The following PTPRR variants were observed in gnomAD, a reference collection of about 807,000 sequenced individuals.
PTPRR encodes receptor-type tyrosine-protein phosphatase R.
Under a neutral mutation model 77.2 loss-of-function variants are expected in PTPRR, and 38 were observed. That is an observed-to-expected ratio of 0.49 (90% CI 0.38 to 0.65). The LOEUF (loss-of-function observed/expected upper bound fraction) is 0.65, where lower values mean the gene tolerates loss of function less well. PTPRR is among the 30% of genes least tolerant of loss of function. The pLI, the probability that PTPRR is intolerant of heterozygous loss-of-function variation, is 0.00. For synonymous variants in PTPRR, 299 were observed against 283.1 expected, an observed-to-expected ratio of 1.06 and a Z score of -0.57; for missense variants, 744 against 799.2, an observed-to-expected ratio of 0.93 and a Z score of 0.83.
intron 2 of PTPRR, among the ~76,000 whole-genome samples, chr12:70,774,630 G>GGATT (rs147164997): frequency 0.37 from 56,305 of 151,562 alleles, 12,881 homozygotes; most frequent in African/African-American, 0.65. Flanking sequence ...GAGAAAAGCT[G>GGATT]GATTTTGTAG....
chr12:70,672,468 C>A, intron 10 of PTPRR: 1 of 1,120,534 alleles, frequency 8.9e-7, no homozygotes, highest in South Asian at 1.2e-5. Flanking sequence ...ATGTGGCTGG[C>A]TTCACTGCGG....
At chr12:70,889,910 A>G (rs1004349738) in intron 2 of PTPRR, among the ~76,000 whole-genome samples, 2 of 152,066 alleles carry the variant, frequency 1.3e-5, no homozygotes, top group Admixed American at 1.3e-4. Context: ...CACCCCTTAT[A>G]TTCCCAAGCC....
At chr12:70,639,934 G>A (rs1347877818) in intron 13 of PTPRR, among the ~76,000 whole-genome samples, 4 of 152,130 alleles carry the variant, frequency 2.6e-5, no homozygotes, top group African/African-American at 7.2e-5. Context: ...GCCTTTTGGT[G>A]TACGGGGTGT....
At chr12:70,803,517 G>GT (rs1216285441) in intron 2 of PTPRR, among the ~76,000 whole-genome samples, 2 of 152,132 alleles carry the variant, frequency 1.3e-5, no homozygotes, top group African/African-American at 4.8e-5. Context: ...GAAGCTTGTG[G>GT]TAAAAAGATC....
At chr12:70,704,215 A>C (rs1050816773) in intron 6 of PTPRR, among the ~76,000 whole-genome samples, 1 of 152,050 alleles carries the variant, frequency 6.6e-6, no homozygotes, top group African/African-American at 2.4e-5. Flanking sequence ...TGAGGCCAGG[A>C]GTTTGAGACT....
chr12:70,850,829 GA>G (rs1214279033), intron 2 of PTPRR, among the ~76,000 whole-genome samples: 7 of 152,180 alleles, frequency 4.6e-5, no homozygotes, highest in Non-Finnish European at 8.8e-5. Flanking sequence ...TAGCTATAAG[GA>G]AGATGCTGTC....
rs1354683952 is a variant in PTPRR, at chr12:70,892,892, T to C, written c.144A>G (p.Gln48=). 1.2e-6 allele frequency: 2 copies of C among 1,613,548 alleles called. No homozygotes were observed. The highest frequency in any genetic ancestry group is 2.2e-5 in the East Asian group (1 of 44,870). ...GKPVFIYKHS[Q]DIEKSLDIAP... The stretch of plus-strand genomic sequence containing the variant: ...CTATATCCAGGCTCTTCTCAATGTC[T>C]TGTGAATGCTTATAAATGAATACCG... Residue 48 remains glutamine (Q), a synonymous_variant, in exon 2 of 14, where the codon CAA becomes CAG. Transcript: ENST00000283228.
intron 2 of PTPRR, among the ~76,000 whole-genome samples, chr12:70,851,936 T>A (rs576813669): frequency 1.6e-3 from 249 of 152,324 alleles, no homozygotes; most frequent in South Asian, 5.2e-3. Context: ...TTCTTTTCAT[T>A]ATTTTTTCAA....
intron 13 of PTPRR, among the ~76,000 whole-genome samples, chr12:70,654,404 C>T (rs1886503490): frequency 6.6e-6 from 1 of 152,046 alleles, no homozygotes; most frequent in African/African-American, 2.4e-5. Context: ...ATGGCAAAGC[C>T]CCAGCTCTAC....
intron 13 of PTPRR, among the ~76,000 whole-genome samples, chr12:70,654,949 A>T (rs1460879521): frequency 1.3e-5 from 2 of 152,198 alleles, no homozygotes; most frequent in African/African-American, 2.4e-5. Context: ...CTAGCCAACA[A>T]AACTCTTGTT....
At chr12:70,799,819 T>C (rs920584762) in intron 2 of PTPRR, among the ~76,000 whole-genome samples, 1 of 152,162 alleles carries the variant, frequency 6.6e-6, no homozygotes, top group African/African-American at 2.4e-5. Flanking sequence ...CCACAAACAC[T>C]TTGTCAGGTA....
intron 2 of PTPRR, among the ~76,000 whole-genome samples, chr12:70,800,324 T>C (rs574870982): frequency 5.5e-4 from 83 of 151,704 alleles, no homozygotes; most frequent in Non-Finnish European, 9.7e-4. Context: ...CATGAGTACT[T>C]ACAAAATGCG....
chr12:70,740,118 G>T (rs1045387482), intron 6 of PTPRR, among the ~76,000 whole-genome samples: 1 of 152,056 alleles, frequency 6.6e-6, no homozygotes, highest in African/African-American at 2.4e-5. Flanking sequence ...ATTGAAGGGG[G>T]AAAGAGAATT....
intron 2 of PTPRR, among the ~76,000 whole-genome samples, chr12:70,839,183 T>G (rs953333108): frequency 2.6e-5 from 4 of 152,182 alleles, no homozygotes; most frequent in Non-Finnish European, 4.4e-5. Flanking sequence ...AACATGGGTC[T>G]CTGGATAAAC....
chr12:70,903,010 TG>T (rs1383337423), intron 1 of PTPRR, among the ~76,000 whole-genome samples: 1 of 151,566 alleles, frequency 6.6e-6, no homozygotes, highest in Admixed American at 6.6e-5. Flanking sequence ...TGAAATAAGG[TG>T]GGCACAGAAA....
rs1174126733 is a variant in PTPRR, at chr12:70,662,041, A to G, written c.1608+454T>C. ...AGTCCCTATAAATTACTGTAACTCC[A>G]CGCTTCTGAAGATCTCATCAACACT... On this transcript the variant is annotated intron_variant, in intron 11 of 13. Transcript: ENST00000283228. Among the ~76,000 whole-genome samples the G allele has an allele frequency of 2.6e-5, 4 of 152,328 alleles. No individual in the cohort carries two copies. The East Asian group carries it at 7.7e-4, about 29-fold the overall frequency.
intron 2 of PTPRR, among the ~76,000 whole-genome samples, 183 bp downstream of exon 2, chr12:70,892,496 G>GT (rs1565732774): frequency 6.6e-6 from 1 of 152,050 alleles, no homozygotes; most frequent in African/African-American, 2.4e-5. Context: ...TTCTGATTTC[G>GT]TAAGAGGAAG....
chr12:70,651,252 C>A lies in PTPRR; in HGVS notation c.1880+5452G>T, dbSNP rs1307214035. 4.6e-5 allele frequency among the ~76,000 whole-genome samples: 7 copies of A among 152,370 alleles called. No homozygotes were observed. The South Asian group carries it at 1.5e-3, about 32-fold the overall frequency. On this transcript the variant is annotated intron_variant, in intron 13 of 13. Coordinates refer to ENST00000283228, the MANE Select transcript of PTPRR (RefSeq NM_002849.4). ...TATTCCTAATGCCAGGAGTTACACT[C>A]TCTCCAGCTACCACACTGAAAAGAA...
At chr12:70,775,954 C>A (rs1048859339) in intron 2 of PTPRR, among the ~76,000 whole-genome samples, 1 of 152,184 alleles carries the variant, frequency 6.6e-6, no homozygotes, top group Non-Finnish European at 1.5e-5. Context: ...TCCCTTCTCA[C>A]AATTCTCTGC....
Sources: allele counts gnomAD v4.1 joint callset (sites outside exome capture counted in the v4.1 genomes callset), GRCh38; gene constraint gnomAD v4.1.1; transcripts MANE v1.5; gene names NCBI Gene and HGNC (gene_info 2026-07-23, HGNC 2026-07-21).